The following LHFPL3 variants were observed in gnomAD, a reference collection of about 807,000 sequenced individuals.
The protein encoded by LHFPL3 is LHFPL tetraspan subfamily member 3 protein.
In LHFPL3, 5 loss-of-function variants were observed where a neutral mutation model predicts 19.3. That is an observed-to-expected ratio of 0.26 (90% CI 0.14 to 0.54). The LOEUF is 0.54. Among genes scored for constraint, LHFPL3 ranks in the 20% least tolerant of loss-of-function variants. LHFPL3 has a pLI of 0.94. For missense variants in LHFPL3, 249 were observed against 307.4 expected (o/e 0.81, Z 1.42); for synonymous variants, 133 against 126.2 (o/e 1.05, Z -0.36).
intron 2 of LHFPL3, among the ~76,000 whole-genome samples, chr7:104,821,724 G>C (rs1790678916): frequency 6.6e-6 from 1 of 152,136 alleles, no homozygotes; most frequent in African/African-American, 2.4e-5. Context: ...CATCTTTAAA[G>C]GCCTAAAGTA....
chr7:104,533,911 T>A (rs1461167087), intron 1 of LHFPL3, among the ~76,000 whole-genome samples: 1 of 152,200 alleles, frequency 6.6e-6, no homozygotes, highest in Non-Finnish European at 1.5e-5. Flanking sequence ...CCAGGCTAAC[T>A]TTTTAGGCTT....
intron 2 of LHFPL3, among the ~76,000 whole-genome samples, chr7:104,897,854 A>G (rs927114668): frequency 6.6e-6 from 1 of 152,154 alleles, no homozygotes; most frequent in African/African-American, 2.4e-5. Context: ...AGGTAATATA[A>G]TTAATGACAA....
At chr7:104,755,673 G>A (rs1237431886) in intron 2 of LHFPL3, among the ~76,000 whole-genome samples, 1 of 151,836 alleles carries the variant, frequency 6.6e-6, no homozygotes, top group Non-Finnish European at 1.5e-5. Flanking sequence ...TTTGGTGTTT[G>A]TTTGTTGTTT....
intron 1 of LHFPL3, chr7:104,669,063 G>A: frequency 6.2e-7 from 1 of 1,612,316 alleles, no homozygotes; most frequent in East Asian, 2.2e-5. Flanking sequence ...GAAGGAGAGA[G>A]AGTGAGAAGT....
intron 1 of LHFPL3, among the ~76,000 whole-genome samples, chr7:104,674,239 A>T (rs190712725): frequency 6.6e-6 from 1 of 151,362 alleles, no homozygotes; most frequent in East Asian, 1.9e-4. Flanking sequence ...ACTGTCAATC[A>T]CACCATATAG....
intron 1 of LHFPL3, among the ~76,000 whole-genome samples, chr7:104,401,264 A>T (rs777679563): frequency 6.6e-6 from 1 of 152,260 alleles, no homozygotes; most frequent in East Asian, 1.9e-4. Flanking sequence ...ATAAGGCTCC[A>T]TGAGATTCTT....
intron 2 of LHFPL3, among the ~76,000 whole-genome samples, chr7:104,882,799 A>G (rs1236539300): frequency 6.6e-6 from 1 of 152,180 alleles, no homozygotes; most frequent in African/African-American, 2.4e-5. Context: ...TTATGTCTCA[A>G]TAAAGCTGTT....
chr7:104,733,110 C>A (rs1301160072), intron 1 of LHFPL3, among the ~76,000 whole-genome samples: 2 of 152,130 alleles, frequency 1.3e-5, no homozygotes, highest in East Asian at 3.9e-4. Flanking sequence ...AATTTCTGTT[C>A]TTTTACATTT....
intron 2 of LHFPL3, among the ~76,000 whole-genome samples, chr7:104,831,087 C>G (rs1260437768): frequency 6.6e-6 from 1 of 151,846 alleles, no homozygotes; most frequent in African/African-American, 2.4e-5. Flanking sequence ...AATGTTTTTC[C>G]TATAACTCAT....
chr7:104,780,890 C>A (rs1794706806), intron 2 of LHFPL3, among the ~76,000 whole-genome samples: 1 of 152,246 alleles, frequency 6.6e-6, no homozygotes, highest in African/African-American at 2.4e-5. Flanking sequence ...GTCCTTCAAC[C>A]TGATCAAGAC....
intron 1 of LHFPL3, among the ~76,000 whole-genome samples, chr7:104,452,895 G>A (rs983869860): frequency 6.6e-6 from 1 of 152,154 alleles, no homozygotes; most frequent in African/African-American, 2.4e-5. Context: ...CATAGACTGA[G>A]ATACAGTACA....
intron 1 of LHFPL3, among the ~76,000 whole-genome samples, chr7:104,358,511 G>T (rs1790329877): frequency 6.6e-6 from 1 of 152,184 alleles, no homozygotes; most frequent in Non-Finnish European, 1.5e-5. Context: ...TTACAGAGTT[G>T]AGATGTAAGT....
At chr7:104,455,982 G>A (rs924924569) in intron 1 of LHFPL3, among the ~76,000 whole-genome samples, 1 of 152,080 alleles carries the variant, frequency 6.6e-6, no homozygotes, top group African/African-American at 2.4e-5. Flanking sequence ...CTGATGTCCA[G>A]TTCAGCATAG....
At chr7:104,514,221 C>T (rs1584372303) in intron 1 of LHFPL3, among the ~76,000 whole-genome samples, 1 of 152,074 alleles carries the variant, frequency 6.6e-6, no homozygotes, top group East Asian at 1.9e-4. Context: ...TCCACCCAGC[C>T]CCCATTCTTC....
intron 2 of LHFPL3, among the ~76,000 whole-genome samples, chr7:104,824,513 T>C (rs1328581329): frequency 7.9e-5 from 5 of 63,130 alleles, no homozygotes; most frequent in African/African-American, 3.0e-4. Flanking sequence ...TATTATTTTA[T>C]ATATATTATT....
chr7:104,763,266 T>C lies in LHFPL3; in HGVS notation c.682+26355T>C, dbSNP rs373643506. On this transcript the variant is annotated intron_variant, in intron 2 of 2. Coordinates refer to ENST00000424859, the MANE Select transcript of LHFPL3 (RefSeq NM_199000.3). ...TCGCCAGACCTTGTCTTTATTTCTT[T>C]GTGTTGGTCTCTGAGGTGGGAATCC... Among the ~76,000 whole-genome samples the C allele has an allele frequency of 1.4e-4, 22 of 152,284 alleles. 2 individuals carry two copies. The East Asian group carries it at 2.9e-3, about 20-fold the overall frequency.
At chr7:104,437,171 T>C (rs1191991120) in intron 1 of LHFPL3, among the ~76,000 whole-genome samples, 2 of 152,246 alleles carry the variant, frequency 1.3e-5, no homozygotes, top group African/African-American at 4.8e-5. Context: ...TAAAAAACTT[T>C]CTCAACTTCT....
intron 2 of LHFPL3, among the ~76,000 whole-genome samples, chr7:104,784,471 T>G (rs535965011): frequency 6.3e-4 from 96 of 152,330 alleles, no homozygotes; most frequent in Admixed American, 2.4e-3. Flanking sequence ...CAAATAGTTA[T>G]TATTTCTATT....
intron 1 of LHFPL3, among the ~76,000 whole-genome samples, chr7:104,351,802 A>G (rs1319211657): frequency 6.6e-6 from 1 of 152,196 alleles, no homozygotes; most frequent in African/African-American, 2.4e-5. Context: ...TCTTATACCT[A>G]GGAATTTCCA....
Sources: gnomAD v4.1 joint callset for allele counts (sites outside exome capture counted in the v4.1 genomes callset) on GRCh38, gnomAD v4.1.1 for gene constraint, MANE v1.5 for transcripts, NCBI Gene and HGNC (gene_info 2026-07-23, HGNC 2026-07-21) for gene names.